MAN2A1: variants seen among roughly 807,000 people sequenced by gnomAD.
MAN2A1 encodes the protein alpha-mannosidase 2.
In MAN2A1, 76 loss-of-function variants were observed where a neutral mutation model predicts 142.6. That is an observed-to-expected ratio of 0.53 (90% CI 0.44 to 0.65). The LOEUF (loss-of-function observed/expected upper bound fraction) is 0.65, where lower values mean the gene tolerates loss of function less well. MAN2A1 is among the 30% of genes least tolerant of loss of function. MAN2A1 has a pLI of 0.00. For missense variants in MAN2A1, 1,311 were observed against 1,365.1 expected, an observed-to-expected ratio of 0.96 and a Z score of 0.62; for synonymous variants, 559 against 473.2, an observed-to-expected ratio of 1.18 and a Z score of -2.35.
At chr5:109,718,237 A>G (rs1224558259) in intron 3 of MAN2A1, among the ~76,000 whole-genome samples, 1 of 152,206 alleles carries the variant, frequency 6.6e-6, no homozygotes, top group African/African-American at 2.4e-5. Flanking sequence ...AGTCTTCCTC[A>G]TATGAAGCCC....
intron 16 of MAN2A1, among the ~76,000 whole-genome samples, chr5:109,824,761 TACTATGTTCAGGGAATCTCTTAAATC>T (rs1213944450): frequency 2.6e-5 from 4 of 152,208 alleles, no homozygotes; most frequent in Non-Finnish European, 4.4e-5. Flanking sequence ...AGCAAAGGGA[TACTATGTTCAGGGAATCTCTTAAATC>T]ACAGAAGTTC....
intron 2 of MAN2A1, among the ~76,000 whole-genome samples, chr5:109,715,665 G>A (rs1319136675): frequency 2.0e-5 from 3 of 152,064 alleles, no homozygotes; most frequent in South Asian, 2.1e-4. Context: ...ATATATTTTT[G>A]TTCAGGCATA....
chr5:109,822,809 C>T (rs755357678), intron 15 of MAN2A1, among the ~76,000 whole-genome samples: 5 of 152,044 alleles, frequency 3.3e-5, no homozygotes, highest in Admixed American at 6.6e-5. Context: ...TCCCGAGTAG[C>T]TGGGACTACA....
chr5:109,772,761 C>T (rs1051519683), intron 7 of MAN2A1, among the ~76,000 whole-genome samples: 4 of 152,206 alleles, frequency 2.6e-5, no homozygotes, highest in Admixed American at 2.6e-4. Flanking sequence ...CCTCCTGCCT[C>T]GCCCTCCCAA....
intron 4 of MAN2A1, among the ~76,000 whole-genome samples, chr5:109,748,509 T>C (rs1378900942): frequency 6.6e-6 from 1 of 151,842 alleles, no homozygotes; most frequent in Non-Finnish European, 1.5e-5. Flanking sequence ...GCGCTCATGG[T>C]ACTTACAGCC....
chr5:109,859,788 A>C (rs1268394255), intron 20 of MAN2A1, among the ~76,000 whole-genome samples: 1 of 152,064 alleles, frequency 6.6e-6, no homozygotes, highest in Non-Finnish European at 1.5e-5. Flanking sequence ...TCAGCCTGGA[A>C]TAGAGGGACA....
At chr5:109,701,377 G>A (rs1750978888) in intron 1 of MAN2A1, among the ~76,000 whole-genome samples, 1 of 152,164 alleles carries the variant, frequency 6.6e-6, no homozygotes, top group South Asian at 2.1e-4. Flanking sequence ...TAGAATCTTT[G>A]GTGCCTGTGA....
At chr5:109,710,662 A>G (rs1444796545) in intron 1 of MAN2A1, among the ~76,000 whole-genome samples, 1 of 151,542 alleles carries the variant, frequency 6.6e-6, no homozygotes, top group Non-Finnish European at 1.5e-5. Context: ...ATGCCACCAC[A>G]CCCAGCTAAT....
At chr5:109,840,357 T>G in intron 16 of MAN2A1, 1 of 371,476 alleles carries the variant, frequency 2.7e-6, no homozygotes. Flanking sequence ...AAAGGGAGTA[T>G]TTCTGTGACT....
intron 19 of MAN2A1, among the ~76,000 whole-genome samples, chr5:109,851,252 T>C (rs956681843): frequency 6.6e-6 from 1 of 152,200 alleles, no homozygotes; most frequent in Non-Finnish European, 1.5e-5. Flanking sequence ...CTGCACGAGG[T>C]TGACCATCAT....
At chr5:109,781,810 G>GA (rs139688041) in intron 9 of MAN2A1, among the ~76,000 whole-genome samples, 4,000 of 152,144 alleles carry the variant, frequency 0.026, 89 homozygotes, top group Middle Eastern at 0.041. Context: ...TGTTCTGGAA[G>GA]AAAAAATAGT....
intron 20 of MAN2A1, among the ~76,000 whole-genome samples, chr5:109,858,962 C>T (rs558065472): frequency 1.7e-4 from 26 of 152,094 alleles, no homozygotes; most frequent in East Asian, 5.8e-4. Flanking sequence ...TCACTGTGCC[C>T]GGATCACACA....
chr5:109,695,343 AG>A (rs1750783275), intron 1 of MAN2A1, among the ~76,000 whole-genome samples: 1 of 152,224 alleles, frequency 6.6e-6, no homozygotes, highest in Non-Finnish European at 1.5e-5. Context: ...TTTCTCTCTT[AG>A]CTTTTAATTT....
At chr5:109,692,754 G>C (rs1472411676) in intron 1 of MAN2A1, among the ~76,000 whole-genome samples, 1 of 147,604 alleles carries the variant, frequency 6.8e-6, no homozygotes, top group African/African-American at 2.5e-5. Context: ...TGGTACCAGG[G>C]ACTGGTTTCC....
chr5:109,718,026 C>A (rs912801341), intron 3 of MAN2A1, among the ~76,000 whole-genome samples: 1 of 152,102 alleles, frequency 6.6e-6, no homozygotes, highest in Admixed American at 6.5e-5. Context: ...TTTTTTTTCT[C>A]TATAAATCTC....
chr5:109,815,235 A>G (rs568242132), intron 12 of MAN2A1, among the ~76,000 whole-genome samples: 16 of 152,268 alleles, frequency 1.1e-4, no homozygotes, highest in Middle Eastern at 6.8e-3. Context: ...GCGAAATGTA[A>G]TCTCTGGTAG....
At chr5:109,690,806 T>G (rs1055270816) in intron 1 of MAN2A1, among the ~76,000 whole-genome samples, 2 of 152,050 alleles carry the variant, frequency 1.3e-5, no homozygotes, top group African/African-American at 4.8e-5. Context: ...GTGGCCATGT[T>G]CCGGCATTCG....
At chr5:109,723,084 A>G (rs1054091985) in intron 3 of MAN2A1, among the ~76,000 whole-genome samples, 9 of 152,296 alleles carry the variant, frequency 5.9e-5, no homozygotes, top group African/African-American at 1.9e-4. Context: ...GAAAAGCAAT[A>G]TAATAAGGGG....
intron 20 of MAN2A1, among the ~76,000 whole-genome samples, chr5:109,858,212 A>T (rs1413509400): frequency 6.6e-6 from 1 of 152,218 alleles, no homozygotes; most frequent in Non-Finnish European, 1.5e-5. Context: ...TTATCATATC[A>T]GTTGGTGCCA....
Sources: allele counts gnomAD v4.1 joint callset (sites outside exome capture counted in the v4.1 genomes callset), GRCh38; gene constraint gnomAD v4.1.1; transcripts MANE v1.5; gene names NCBI Gene and HGNC (gene_info 2026-07-23, HGNC 2026-07-21).